Variants in SESN1 observed in about 807,000 individuals in gnomAD.
SESN1 encodes the protein sestrin-1.
SESN1 carries 30 observed loss-of-function variants against 59.3 expected under a neutral mutation model. That is an observed-to-expected ratio of 0.51 (90% CI 0.38 to 0.69). The LOEUF is 0.69. Ranked by LOEUF, SESN1 falls within the 30% of genes least tolerant of loss-of-function variation. SESN1 has a pLI of 0.00. For synonymous variants in SESN1, 197 were observed against 219.9 expected (o/e 0.90, Z 0.92); for missense variants, 566 against 673.0 (o/e 0.84, Z 1.76).
At chr6:109,001,598 C>T (rs1024880007) in intron 2 of SESN1, 110 bp from the exon 3 acceptor site, 22 of 981,020 alleles carry the variant, frequency 2.2e-5, no homozygotes, top group African/African-American at 2.1e-4. Flanking sequence ...TTAAATCTGG[C>T]TTAAGAAAGA....
At chr6:108,995,453 T>C (rs1422562596) in intron 5 of SESN1, among the ~76,000 whole-genome samples, 1 of 152,202 alleles carries the variant, frequency 6.6e-6, no homozygotes, top group African/African-American at 2.4e-5. Flanking sequence ...AGCTGTCACT[T>C]GCTGGGATGA....
intron 1 of SESN1, among the ~76,000 whole-genome samples, chr6:109,015,238 GTCTT>G (rs1779912794): frequency 6.6e-6 from 1 of 152,144 alleles, no homozygotes; most frequent in South Asian, 2.1e-4. Context: ...TAAGCAATCT[GTCTT>G]TCAGAATCTC....
chr6:109,084,188 T>C (rs539635556), intron 1 of SESN1, among the ~76,000 whole-genome samples: 1 of 152,364 alleles, frequency 6.6e-6, no homozygotes, highest in Non-Finnish European at 1.5e-5. Context: ...TGATTATATA[T>C]ACATATTAAA....
At chr6:109,002,154 A>C in intron 2 of SESN1, 124 bp downstream of exon 2, 6 of 735,692 alleles carry the variant, frequency 8.2e-6, no homozygotes, top group Non-Finnish European at 1.4e-5. Context: ...AAGAATGATT[A>C]ACTGCAACCA....
chr6:108,991,177 T>G (rs921752967), intron 7 of SESN1, among the ~76,000 whole-genome samples: 1 of 151,802 alleles, frequency 6.6e-6, no homozygotes, highest in Non-Finnish European at 1.5e-5. Context: ...AGCTTGGGAG[T>G]CCCCTCTCCT....
At chr6:109,013,029 T>C (rs1046765526) in intron 1 of SESN1, among the ~76,000 whole-genome samples, 5 of 151,554 alleles carry the variant, frequency 3.3e-5, no homozygotes, top group African/African-American at 1.2e-4. Context: ...GGCAGGAGAA[T>C]TGCTTGAACC....
chr6:109,005,393 C>A (rs1468584599), intron 1 of SESN1, among the ~76,000 whole-genome samples: 1 of 152,090 alleles, frequency 6.6e-6, no homozygotes, highest in African/African-American at 2.4e-5. Context: ...AATTTCTAGG[C>A]CTTTATCTTA....
intron 1 of SESN1, chr6:109,009,656 C>T (rs6908184): frequency 0.16 from 106,878 of 686,538 alleles, 9,318 homozygotes; most frequent in African/African-American, 0.31. Context: ...GGCTCGCGTC[C>T]CCGCAAAGCA....
intron 8 of SESN1, among the ~76,000 whole-genome samples, chr6:108,989,118 T>C (rs1007558697): frequency 2.6e-5 from 4 of 152,122 alleles, no homozygotes; most frequent in Non-Finnish European, 5.9e-5. Flanking sequence ...TTCTCTCACC[T>C]CAGCCTCCCG....
At chr6:109,084,352 G>A (rs1270868383) in intron 1 of SESN1, among the ~76,000 whole-genome samples, 3 of 152,092 alleles carry the variant, frequency 2.0e-5, no homozygotes, top group African/African-American at 7.2e-5. Context: ...CTTGAGGTCA[G>A]GGGTTGGAAA....
chr6:109,002,763 C>T (rs1779653625), intron 1 of SESN1, among the ~76,000 whole-genome samples: 1 of 152,102 alleles, frequency 6.6e-6, no homozygotes, highest in Non-Finnish European at 1.5e-5. Flanking sequence ...GTGTCTTAAA[C>T]TAGAAAAAGT....
chr6:108,995,766 A>G (rs1779491892), intron 5 of SESN1, among the ~76,000 whole-genome samples: 1 of 152,184 alleles, frequency 6.6e-6, no homozygotes, highest in Non-Finnish European at 1.5e-5. Flanking sequence ...CCTGGACAAC[A>G]GAGAGAGACT....
intron 5 of SESN1, among the ~76,000 whole-genome samples, 187 bp downstream of exon 5, chr6:108,998,326 A>T (rs954403308): frequency 2.6e-5 from 4 of 152,190 alleles, no homozygotes; most frequent in African/African-American, 9.6e-5. Flanking sequence ...AAAATGTTGT[A>T]TATCACCTAG....
At chr6:109,025,417 G>A (rs774435611) in intron 1 of SESN1, among the ~76,000 whole-genome samples, 4 of 151,410 alleles carry the variant, frequency 2.6e-5, no homozygotes, top group Non-Finnish European at 5.9e-5. Flanking sequence ...CAATTCCAAT[G>A]AATATAAGCT....
At position 109,094,006 on chromosome 6, in the gene SESN1, G is replaced by A. The variant is rs973460006; in HGVS notation, c.68C>T (p.Thr23Ile). 1.2e-6 allele frequency: 2 copies of A among 1,614,118 alleles called. No homozygotes were observed. Among genetic ancestry groups the A allele is most frequent in the Admixed American group, 1.7e-5 (1 of 60,022 alleles). The change falls in exon 1 of 10, where the codon ACA becomes ATA. Residue 23 changes from threonine (T) to isoleucine (I), a missense_variant. By Grantham distance (89) the Thr-to-Ile change is moderately conservative. Transcript: ENST00000436639. ...GGTTTGCCTAATGTTTTCCAATGCTGTCTCCCTAGTAGTTGAATCTCTGCT... is the reference window on the plus strand; with the variant it reads ...GGTTTGCCTAATGTTTTCCAATGCTATCTCCCTAGTAGTTGAATCTCTGCT... The part of the protein sequence containing the change: ...LCSRDSTTRE[T>I]ALENIRQTIL...
At chr6:109,011,106 T>C (rs1400231321) in intron 1 of SESN1, among the ~76,000 whole-genome samples, 1 of 152,202 alleles carries the variant, frequency 6.6e-6, no homozygotes, top group African/African-American at 2.4e-5. Flanking sequence ...TAATCTTAGT[T>C]ATGACATTTG....
intron 1 of SESN1, among the ~76,000 whole-genome samples, chr6:109,009,139 G>A (rs751658304): frequency 3.3e-5 from 5 of 152,162 alleles, no homozygotes; most frequent in African/African-American, 7.2e-5. Context: ...CTCACGGTGC[G>A]CAGGTCTCCC....
intron 1 of SESN1, among the ~76,000 whole-genome samples, chr6:109,062,810 T>G (rs1390767249): frequency 6.6e-6 from 1 of 151,916 alleles, no homozygotes; most frequent in African/African-American, 2.4e-5. Context: ...AGTAAGAAAT[T>G]AAAAACACTA....
chr6:109,058,668 C>T (rs112955361), intron 1 of SESN1, among the ~76,000 whole-genome samples: 76 of 149,866 alleles, frequency 5.1e-4, no homozygotes, highest in African/African-American at 1.9e-3. Flanking sequence ...GATCTAGTGA[C>T]CTTCTTTTGT....
Sources: allele counts gnomAD v4.1 joint callset (sites outside exome capture counted in the v4.1 genomes callset), GRCh38; gene constraint gnomAD v4.1.1; transcripts MANE v1.5; gene names NCBI Gene and HGNC (gene_info 2026-07-23, HGNC 2026-07-21).